CNTN5: variants seen among roughly 807,000 people sequenced by gnomAD.
The protein encoded by CNTN5 is contactin-5.
In CNTN5, 77 loss-of-function variants were observed where a neutral mutation model predicts 129.1. The observed-to-expected ratio is 0.60, with a 90% confidence interval of 0.50 to 0.72. The LOEUF (loss-of-function observed/expected upper bound fraction) is 0.72. CNTN5 is among the 30% of genes least tolerant of loss of function. The pLI is 0.00. For missense variants in CNTN5, 1,478 were observed against 1,328.8 expected (o/e 1.11, Z -1.75); for synonymous variants, 509 against 465.6 (o/e 1.09, Z -1.20).
intron 2 of CNTN5, among the ~76,000 whole-genome samples, chr11:99,355,790 G>A (rs1938604919): frequency 6.7e-6 from 1 of 149,768 alleles, no homozygotes; most frequent in Admixed American, 6.6e-5. Context: ...TGTCCTCATG[G>A]TCACAAATGC....
At chr11:99,772,071 ATTTTTT>A in intron 3 of CNTN5, among the ~76,000 whole-genome samples, 1 of 148,676 alleles carries the variant, frequency 6.7e-6, no homozygotes, top group Non-Finnish European at 1.5e-5. Flanking sequence ...CTTCTGAGGT[ATTTTTT>A]TTTTTTTATC....
At chr11:99,948,656 C>T (rs1157823276) in intron 7 of CNTN5, among the ~76,000 whole-genome samples, 1 of 152,144 alleles carries the variant, frequency 6.6e-6, no homozygotes, top group Non-Finnish European at 1.5e-5. Flanking sequence ...TTATTGGCAA[C>T]TCTATGTCTT....
chr11:99,640,064 C>T (rs1414633241), intron 3 of CNTN5, among the ~76,000 whole-genome samples: 1 of 152,128 alleles, frequency 6.6e-6, no homozygotes, highest in Non-Finnish European at 1.5e-5. Context: ...ACCTCAGCCT[C>T]GATTTTATTG....
chr11:99,130,037 A>G (rs1024216427), intron 1 of CNTN5, among the ~76,000 whole-genome samples: 4 of 152,234 alleles, frequency 2.6e-5, no homozygotes, highest in African/African-American at 9.6e-5. Flanking sequence ...CAACAACACT[A>G]TGAAGCAATT....
At chr11:99,241,318 GTTTTT>G (rs10648459) in intron 1 of CNTN5, among the ~76,000 whole-genome samples, 1 of 88,050 alleles carries the variant, frequency 1.1e-5, no homozygotes, top group South Asian at 4.6e-4. Context: ...TTGATTGTTG[GTTTTT>G]TTTTTTTTTT....
At chr11:100,098,336 T>C (rs750438169) in intron 13 of CNTN5, among the ~76,000 whole-genome samples, 7 of 152,124 alleles carry the variant, frequency 4.6e-5, no homozygotes, top group Non-Finnish European at 8.8e-5. Context: ...TTTAAATATC[T>C]ATATTTACCC....
At chr11:100,308,133 C>T (rs1460642563) in intron 20 of CNTN5, among the ~76,000 whole-genome samples, 1 of 151,762 alleles carries the variant, frequency 6.6e-6, no homozygotes, top group African/African-American at 2.4e-5. Context: ...ATGTCTTTGC[C>T]TGTCTTGCTA....
At chr11:99,695,930 A>C (rs942501391) in intron 3 of CNTN5, among the ~76,000 whole-genome samples, 5 of 152,094 alleles carry the variant, frequency 3.3e-5, no homozygotes, top group African/African-American at 1.2e-4. Context: ...TAAATGAGTT[A>C]ATACATACAA....
chr11:100,352,380 G>T (rs1335694607), intron 24 of CNTN5, among the ~76,000 whole-genome samples: 2 of 151,554 alleles, frequency 1.3e-5, no homozygotes, highest in African/African-American at 4.8e-5. Flanking sequence ...CTATACTGTG[G>T]TTATATTTTT....
intron 1 of CNTN5, among the ~76,000 whole-genome samples, chr11:99,233,993 A>G (rs1330435135): frequency 1.3e-5 from 2 of 152,168 alleles, no homozygotes; most frequent in Non-Finnish European, 2.9e-5. Context: ...AACATTTGCT[A>G]TAGAAATACA....
At chr11:99,208,956 A>C (rs961472570) in intron 1 of CNTN5, among the ~76,000 whole-genome samples, 14 of 152,166 alleles carry the variant, frequency 9.2e-5, no homozygotes, top group African/African-American at 3.4e-4. Context: ...CTCAATTTGC[A>C]AGTCACAGTG....
intron 6 of CNTN5, among the ~76,000 whole-genome samples, chr11:99,893,347 T>A (rs925518275): frequency 7.2e-5 from 11 of 152,192 alleles, no homozygotes; most frequent in Admixed American, 2.6e-4. Context: ...TTTGAGCAAA[T>A]AATAGGTGGA....
At chr11:99,282,492 A>G (rs1044068672) in intron 1 of CNTN5, among the ~76,000 whole-genome samples, 3 of 152,072 alleles carry the variant, frequency 2.0e-5, no homozygotes, top group African/African-American at 7.2e-5. Context: ...GCAAAAGAGT[A>G]GAGGTGAGAG....
intron 21 of CNTN5, among the ~76,000 whole-genome samples, chr11:100,330,032 G>A (rs914900881): frequency 1.3e-5 from 2 of 152,096 alleles, no homozygotes; most frequent in Non-Finnish European, 2.9e-5. Flanking sequence ...AGACAATCAA[G>A]GAGGCACCAG....
At chr11:99,923,404 G>A (rs192322183) in intron 7 of CNTN5, among the ~76,000 whole-genome samples, 1 of 152,234 alleles carries the variant, frequency 6.6e-6, no homozygotes, top group Non-Finnish European at 1.5e-5. Flanking sequence ...TGAAAATGTA[G>A]AAATAGCCTC....
At chr11:100,200,363 A>G (rs941004995) in intron 15 of CNTN5, among the ~76,000 whole-genome samples, 3 of 151,972 alleles carry the variant, frequency 2.0e-5, no homozygotes, top group Non-Finnish European at 4.4e-5. Context: ...TAGCCATCCA[A>G]TTCATAGGCT....
intron 13 of CNTN5, among the ~76,000 whole-genome samples, chr11:100,160,650 G>A: frequency 6.6e-6 from 1 of 151,958 alleles, no homozygotes; most frequent in East Asian, 2.0e-4. Flanking sequence ...GAGTTACTTT[G>A]TGCACACTCA....
At chr11:100,267,253 C>CCACACACACACACACA (rs113458728) in intron 17 of CNTN5, among the ~76,000 whole-genome samples, 8,810 of 143,608 alleles carry the variant, frequency 0.061, 364 homozygotes, top group East Asian at 0.13. Context: ...CATGAATCAA[C>CCACACACACACACACA]CACACACACA....
At chr11:99,717,589 A>G (rs1943020437) in intron 3 of CNTN5, among the ~76,000 whole-genome samples, 1 of 152,102 alleles carries the variant, frequency 6.6e-6, no homozygotes, top group African/African-American at 2.4e-5. Flanking sequence ...AGGTGTTCCG[A>G]ATCAAGCATT....
Sources: allele counts gnomAD v4.1 joint callset (sites outside exome capture counted in the v4.1 genomes callset), GRCh38; gene constraint gnomAD v4.1.1; transcripts MANE v1.5; gene names NCBI Gene and HGNC (gene_info 2026-07-23, HGNC 2026-07-21).